The following AP3S2 variants were observed in gnomAD, a reference collection of about 807,000 sequenced individuals.
AP3S2 encodes adaptor related protein complex 3 subunit sigma 2.
A neutral mutation model predicts 23.4 loss-of-function variants in AP3S2; 22 were observed. The ratio of observed to expected loss-of-function variants is 0.94; its 90% CI spans 0.67 to 1.34. AP3S2 has a LOEUF of 1.34. Ranked by LOEUF, AP3S2 falls within the 40% of genes most tolerant of loss-of-function variation. The probability of loss-of-function intolerance (pLI) is 0.00; values close to 1 mark genes in which losing one functional copy is unlikely to be tolerated. For missense variants in AP3S2, 241 were observed against 236.9 expected, an observed-to-expected ratio of 1.02 and a Z score of -0.11; for synonymous variants, 86 against 87.1, an observed-to-expected ratio of 0.99 and a Z score of 0.07.
At chr15:89,888,757 T>G (rs1896754703) in intron 2 of AP3S2, 125 bp from the exon 3 acceptor site, 13 of 1,098,246 alleles carry the variant, frequency 1.2e-5, no homozygotes, top group Non-Finnish European at 1.5e-5. Flanking sequence ...AAGCAGGCCA[T>G]TCTTACTAGG....
chr15:89,835,379 T>A lies in AP3S2; in HGVS notation c.*136A>T, dbSNP rs113286133. The A allele has an allele frequency of 9.7e-6, 14 of 1,449,896 alleles. No homozygotes were observed. The highest frequency in any genetic ancestry group is 9.6e-5 in the South Asian group (7 of 73,252). 89.8% of individuals were successfully genotyped at this position (1,449,896 alleles called of 1,614,324 possible). A position where few individuals can be genotyped will look rare whatever the true frequency, so the allele number is the denominator to read the frequency against. ...CCCTTCCCTATTCCATGCCAAACAGTCTTCCCCAGACACAAAGTTTCCAGG... is the reference window on the plus strand; with the variant it reads ...CCCTTCCCTATTCCATGCCAAACAGACTTCCCCAGACACAAAGTTTCCAGG... On this transcript the variant is annotated 3_prime_UTR_variant, in exon 6 of 6. Transcript: ENST00000336418.
chr15:89,854,542 G>C (rs1412457411), intron 4 of AP3S2, among the ~76,000 whole-genome samples: 3 of 88,896 alleles, frequency 3.4e-5, no homozygotes, highest in Non-Finnish European at 7.4e-5. Context: ...CCCCCCGCCC[G>C]GCCAGCCGCC....
intron 3 of AP3S2, among the ~76,000 whole-genome samples, chr15:89,885,629 T>C (rs1896679727): frequency 6.6e-6 from 1 of 152,228 alleles, no homozygotes. Context: ...AGGCCAACTA[T>C]TTATTAATTT....
At chr15:89,871,143 C>T (rs1896309221) in intron 4 of AP3S2, among the ~76,000 whole-genome samples, 1 of 152,216 alleles carries the variant, frequency 6.6e-6, no homozygotes, top group Non-Finnish European at 1.5e-5. Context: ...GACTAGGAAA[C>T]TAATTTTATA....
At chr15:89,874,489 C>T (rs1896395978) in intron 3 of AP3S2, among the ~76,000 whole-genome samples, 1 of 152,152 alleles carries the variant, frequency 6.6e-6, no homozygotes, top group Admixed American at 6.5e-5. Context: ...TAGTATAATA[C>T]TAAGGCTGGG....
intron 3 of AP3S2, among the ~76,000 whole-genome samples, chr15:89,879,146 T>C (rs1238473740): frequency 6.6e-6 from 1 of 152,266 alleles, no homozygotes; most frequent in East Asian, 1.9e-4. Context: ...CCCAAAGTAT[T>C]GGTATTACAG....
At chr15:89,893,694 G>A in intron 1 of AP3S2, 187 bp downstream of exon 1, 2 of 590,570 alleles carry the variant, frequency 3.4e-6, no homozygotes, top group Non-Finnish European at 6.0e-6. Flanking sequence ...CGGGGCAGTA[G>A]GGCGGGAGAC....
intron 4 of AP3S2, chr15:89,845,509 A>G (rs557241957): frequency 6.6e-6 from 1 of 152,334 alleles, no homozygotes; most frequent in East Asian, 1.9e-4. Flanking sequence ...TGGGTGTGGG[A>G]GCAAGCAGTC....
At chr15:89,866,758 G>A (rs980563764) in intron 4 of AP3S2, among the ~76,000 whole-genome samples, 16 of 151,390 alleles carry the variant, frequency 1.1e-4, no homozygotes, top group African/African-American at 3.7e-4. Flanking sequence ...GTTAGCCACC[G>A]CACCCGGCCC....
chr15:89,884,873 C>T (rs962273907), intron 3 of AP3S2, among the ~76,000 whole-genome samples: 1 of 152,132 alleles, frequency 6.6e-6, no homozygotes, highest in Non-Finnish European at 1.5e-5. Flanking sequence ...TGGTCTCGAA[C>T]TCCTGACCTC....
At chr15:89,837,581 C>T (rs1431683377) in intron 5 of AP3S2, 34 bp downstream of exon 5, 9 of 1,613,060 alleles carry the variant, frequency 5.6e-6, no homozygotes, top group Non-Finnish European at 5.9e-6. Context: ...GTTTTCTCTA[C>T]CCAGCCAGGG....
Position 89,835,460 on chromosome 15 carries a change from G to C in AP3S2, c.*55C>G. Reference sequence around the variant, plus strand: ...ATGGGTTCTGTTTCCAGACGTGCTTGCCTTGCTTGTCTTTGCTTGTCTTAA... The same window carrying C: ...ATGGGTTCTGTTTCCAGACGTGCTTCCCTTGCTTGTCTTTGCTTGTCTTAA... On this transcript the variant is annotated 3_prime_UTR_variant, in exon 6 of 6. Transcript: ENST00000336418. The C allele has an allele frequency of 6.2e-7, 1 of 1,603,500 alleles. No individual in the cohort carries two copies. The highest frequency in any genetic ancestry group is 8.5e-7 in the Non-Finnish European group (1 of 1,175,132).
At chr15:89,893,596 G>A (rs1167133970) in intron 1 of AP3S2, 1 of 459,500 alleles carries the variant, frequency 2.2e-6, no homozygotes, top group Non-Finnish European at 3.9e-6. Flanking sequence ...ACTCCCCACT[G>A]TCGCTTCTAT....
At chr15:89,886,650 G>A (rs183317078) in intron 3 of AP3S2, 4 of 152,114 alleles carry the variant, frequency 2.6e-5, no homozygotes, top group Non-Finnish European at 4.4e-5. Flanking sequence ...AAATAAACTC[G>A]TATTATGTAC....
At chr15:89,872,782 T>C (rs1267201584) in intron 3 of AP3S2, among the ~76,000 whole-genome samples, 2 of 152,210 alleles carry the variant, frequency 1.3e-5, no homozygotes, top group Non-Finnish European at 2.9e-5. Flanking sequence ...GTCTCTTCTC[T>C]ATGTAAGTAA....
intron 4 of AP3S2, among the ~76,000 whole-genome samples, chr15:89,857,332 A>G (rs970915547): frequency 1.3e-4 from 20 of 152,166 alleles, no homozygotes; most frequent in African/African-American, 4.6e-4. Context: ...TTGTATCTCT[A>G]TATTTAGCGC....
At chr15:89,889,305 A>G (rs1454392059) in intron 1 of AP3S2, 165 bp from the exon 2 acceptor site, 11 of 699,108 alleles carry the variant, frequency 1.6e-5, no homozygotes. Context: ...GAGTGAATCT[A>G]TGAAAGATGG....
intron 4 of AP3S2, among the ~76,000 whole-genome samples, chr15:89,842,909 A>C (rs2141839714): frequency 6.6e-6 from 1 of 150,570 alleles, no homozygotes; most frequent in East Asian, 2.0e-4. Context: ...CTGTGCCCAG[A>C]AGACTCAAGG....
chr15:89,839,694 G>C (rs1217652868), intron 4 of AP3S2, among the ~76,000 whole-genome samples: 2 of 152,172 alleles, frequency 1.3e-5, no homozygotes, highest in Non-Finnish European at 2.9e-5. Flanking sequence ...GTAAAGACTT[G>C]AAGAGAATGT....
Sources: allele counts gnomAD v4.1 joint callset (sites outside exome capture counted in the v4.1 genomes callset), GRCh38; gene constraint gnomAD v4.1.1; transcripts MANE v1.5; gene names NCBI Gene and HGNC (gene_info 2026-07-23, HGNC 2026-07-21).